Variants in TBRG1 observed in about 807,000 individuals in gnomAD.
The protein encoded by TBRG1 is transforming growth factor beta regulator 1, also known as nuclear interactor of ARF and MDM2.
Under a neutral mutation model 44.0 loss-of-function variants are expected in TBRG1, and 31 were observed. The ratio of observed to expected loss-of-function variants is 0.70; its 90% CI spans 0.53 to 0.95. The LOEUF (loss-of-function observed/expected upper bound fraction) is 0.95. Among genes scored for constraint, TBRG1 ranks in the 40% least tolerant of loss-of-function variants. The pLI, the probability that TBRG1 is intolerant of heterozygous loss-of-function variation, is 0.00. For missense variants in TBRG1, 487 were observed against 496.1 expected, an observed-to-expected ratio of 0.98 and a Z score of 0.18; for synonymous variants, 171 against 188.1, an observed-to-expected ratio of 0.91 and a Z score of 0.74.
chr11:124,625,066 G>C (rs1344184244), intron 2 of TBRG1, 65 bp downstream of exon 2: 1 of 1,152,628 alleles, frequency 8.7e-7, no homozygotes, highest in Admixed American at 2.2e-5. Context: ...ATTGATAATG[G>C]TGTTACTGCT....
rs931984548 is a variant in TBRG1, at chr11:124,622,917, C to G, written c.-167C>G. On this transcript the variant is annotated 5_prime_UTR_variant, in exon 1 of 9. Transcript: ENST00000441174. The stretch of plus-strand genomic sequence containing the variant: ...GAGGCGCCGGGAGCCCGTTCGGTTG[C>G]GGGTGTCTCTGGCCCTGCGGTCAGC... 2.9e-6 allele frequency: 2 copies of G among 694,426 alleles called. No homozygotes were observed. Among genetic ancestry groups the G allele is most frequent in the African/African-American group, 3.7e-5 (2 of 54,790 alleles). The allele number at this position is 694,426 out of a possible 1,614,324, so 43.0% of individuals were successfully genotyped here.
rs1174336520 is a variant in TBRG1, at chr11:124,634,815, A to T, written c.*2577A>T. The T allele has an allele frequency of 6.6e-6, 1 of 152,212 alleles. No individual in the cohort carries two copies. The highest frequency in any genetic ancestry group is 2.4e-5 in the African/African-American group (1 of 41,456). 9.4% of individuals were successfully genotyped at this position (152,212 alleles called of 1,614,324 possible). A position where few individuals can be genotyped will look rare whatever the true frequency, so the allele number is the denominator to read the frequency against. ...AAAATAATATGTACTGTATAAAATT[A>T]TATAACTCAAGTCAAGTGAATGGTT... is the stretch of plus-strand genomic sequence containing the variant. On this transcript the variant is annotated 3_prime_UTR_variant, in exon 9 of 9. Coordinates refer to ENST00000441174, the MANE Select transcript of TBRG1 (RefSeq NM_032811.3).
At position 124,625,887 on chromosome 11, in the gene TBRG1, G is replaced by A; in HGVS notation, c.438G>A (p.Glu146=). 6.3e-7 allele frequency: 1 copy of A among 1,577,844 alleles called. No individual in the cohort carries two copies. Among genetic ancestry groups the A allele is most frequent in the Non-Finnish European group, 8.6e-7 (1 of 1,164,746 alleles). Residue 146 remains glutamate (E), a synonymous_variant, in exon 3 of 9, where the codon GAG becomes GAA. Coordinates refer to ENST00000441174, the MANE Select transcript of TBRG1 (RefSeq NM_032811.3). ...TKKEKKEKGK[E]NNKLEVLKKT... is the part of the protein sequence containing the mutation. Reference sequence around the variant, plus strand: ...AGGAGAAAAAAGAAAAAGGCAAAGAGAACAACAAACTGGAAGGTACTTTGG... The same window carrying A: ...AGGAGAAAAAAGAAAAAGGCAAAGAAAACAACAAACTGGAAGGTACTTTGG...
chr11:124,635,872 C>CCAT lies in TBRG1; in HGVS notation c.*3637_*3639dup, dbSNP rs1942723383. 6.6e-6 allele frequency: 1 copy of CCAT among 152,174 alleles called. No individual in the cohort carries two copies. The highest frequency in any genetic ancestry group is 2.1e-4 in the South Asian group (1 of 4,826). The allele number at this position is 152,174 out of a possible 1,614,324, so 9.4% of individuals were successfully genotyped here. On this transcript the variant is annotated 3_prime_UTR_variant, in exon 9 of 9. Transcript: ENST00000441174. Reference sequence around the variant, plus strand: ...TCAGACAATGTTAGCTGTTTTTAATCCATCAGTAAACTGCATTAAGATTCT... The same window carrying CCAT: ...TCAGACAATGTTAGCTGTTTTTAATCCATCATCAGTAAACTGCATTAAGATTCT...
At chr11:124,624,346 G>A (rs1164806849) in intron 1 of TBRG1, among the ~76,000 whole-genome samples, 73 of 114,480 alleles carry the variant, frequency 6.4e-4, no homozygotes, top group African/African-American at 2.3e-3. Context: ...TTGGGAGATA[G>A]ATTGAGTCAT....
intron 3 of TBRG1, 135 bp downstream of exon 3, chr11:124,626,038 C>T (rs2134326134): frequency 7.7e-7 from 1 of 1,291,154 alleles, no homozygotes; most frequent in East Asian, 2.6e-5. Flanking sequence ...GCCCTAGGAG[C>T]CCTTGAGAAA....
In TBRG1 at chr11:124,627,787, A is replaced by G. The variant is rs962386168; in HGVS notation, c.738+737A>G. Among the ~76,000 whole-genome samples the G allele has an allele frequency of 7.2e-5, 11 of 152,192 alleles. No individual in the cohort carries two copies. The East Asian group carries it at 1.9e-3, about 27-fold the overall frequency. On this transcript the variant is annotated intron_variant, in intron 5 of 8. Coordinates refer to ENST00000441174, the MANE Select transcript of TBRG1 (RefSeq NM_032811.3). ...GAGCTTACGTGACCTCAATTATGCAATAGTTTCTTTAGAAAGACTCATTAT... is the reference window on the plus strand; with the variant it reads ...GAGCTTACGTGACCTCAATTATGCAGTAGTTTCTTTAGAAAGACTCATTAT...
chr11:124,625,095 A>G, intron 2 of TBRG1, 94 bp downstream of exon 2: 1 of 880,476 alleles, frequency 1.1e-6, no homozygotes, highest in Non-Finnish European at 1.8e-6. Flanking sequence ...TTTTTTTCCC[A>G]GTGGGATTGA....
chr11:124,629,795 A>G (rs1318212925), intron 5 of TBRG1: 1 of 152,862 alleles, frequency 6.5e-6, no homozygotes, highest in African/African-American at 2.4e-5. Flanking sequence ...TGTTACAGAA[A>G]TATTTTCCTG....
At chr11:124,631,832 ATATAGGGAAAACTCTGGG>A (rs1388454951) in intron 8 of TBRG1, 1 of 457,552 alleles carries the variant, frequency 2.2e-6, no homozygotes, top group African/African-American at 2.0e-5. Context: ...CTTTGGGGTC[ATATAGGGAAAACTCTGGG>A]TTAAAAAATG....
chr11:124,624,584 A>G (rs945534052), intron 1 of TBRG1, among the ~76,000 whole-genome samples: 2 of 152,198 alleles, frequency 1.3e-5, no homozygotes, highest in Non-Finnish European at 2.9e-5. Context: ...TTTAAGCAGT[A>G]TGCCTTTTTC....
rs775165238 is a variant in TBRG1, at chr11:124,632,462, C to T, written c.*224C>T. The T allele has an allele frequency of 3.0e-5, 12 of 403,328 alleles. No homozygotes were observed. Among genetic ancestry groups the T allele is most frequent in the Non-Finnish European group, 4.9e-5 (11 of 223,522 alleles). 25.0% of individuals were successfully genotyped at this position (403,328 alleles called of 1,614,324 possible). A position where few individuals can be genotyped will look rare whatever the true frequency, so the allele number is the denominator to read the frequency against. ...ATTCTGTTTACTTTCATCTTGTAATCGGGATGTAATCTTTTTTGCTTAGCT... is the reference window on the plus strand; with the variant it reads ...ATTCTGTTTACTTTCATCTTGTAATTGGGATGTAATCTTTTTTGCTTAGCT... On this transcript the variant is annotated 3_prime_UTR_variant, in exon 9 of 9. Transcript: ENST00000441174.
In TBRG1 at chr11:124,626,826, C is replaced by G. The variant is rs1462361648; in HGVS notation, c.592-78C>G. 3 of 1,555,576 alleles carry G rather than the reference C, an allele frequency of 1.9e-6. No individual in the cohort carries two copies. The African/African-American group carries it at 4.1e-5, about 21-fold the overall frequency. ...CACTCTTTGCAGCCCCAAAGTGGTT[C>G]TAAAGGCTACCACAGGAAACTGGAC... On this transcript the variant is annotated intron_variant, in intron 4 of 8. Coordinates refer to ENST00000441174, the MANE Select transcript of TBRG1 (RefSeq NM_032811.3).
At chr11:124,629,464 G>A (rs978442409) in intron 5 of TBRG1, among the ~76,000 whole-genome samples, 1 of 152,102 alleles carries the variant, frequency 6.6e-6, no homozygotes, top group Non-Finnish European at 1.5e-5. Context: ...GTTGAAATAA[G>A]AAAACCACCA....
chr11:124,628,065 TTATATATATATATATATATA>T (rs71042445), intron 5 of TBRG1, among the ~76,000 whole-genome samples: 1,710 of 69,772 alleles, frequency 0.025, 61 homozygotes, highest in African/African-American at 0.045. Context: ...AGTAGCTGTT[TTATATATATATATATATATA>T]TATATATATA....
intron 1 of TBRG1, 115 bp from the exon 2 acceptor site, chr11:124,624,816 T>A: frequency 2.8e-6 from 2 of 707,802 alleles, no homozygotes; most frequent in Non-Finnish European, 4.9e-6. Flanking sequence ...GTCGAATAGC[T>A]CCTTCTTCTC....
At position 124,630,746 on chromosome 11, in the gene TBRG1, G is replaced by T; in HGVS notation, c.838G>T (p.Gly280Trp). The change falls in exon 7 of 9, where the codon GGG (glycine) becomes TGG (tryptophan). Residue 280 changes from glycine (G) to tryptophan (W), a missense_variant and splice_region_variant. Physicochemically the swap from Gly to Trp is radical, Grantham distance 184 (BLOSUM62 -2). Transcript: ENST00000441174. ...TAAAATTATCCCTCTCCTGTTTAGG[G>T]GGAAACTAATGCCTAACCTGCTTCC... ...ELLRTISTTMGKLMPNLLPAG... is the reference protein window; with the variant it reads ...ELLRTISTTMWKLMPNLLPAG... The T allele has an allele frequency of 6.2e-7, 1 of 1,600,872 alleles. No homozygotes were observed. The highest frequency in any genetic ancestry group is 2.2e-5 in the East Asian group (1 of 44,580).
Position 124,623,013 on chromosome 11 carries a change from G to C in TBRG1, c.-71G>C. ...CTAGCCCGGAACAGACAAAGCCAGC[G>C]CTCCCGCCCGCTCCCCGACTTAGGA... On this transcript the variant is annotated 5_prime_UTR_variant, in exon 1 of 9. Coordinates refer to ENST00000441174, the MANE Select transcript of TBRG1 (RefSeq NM_032811.3). 6.9e-7 allele frequency: 1 copy of C among 1,441,472 alleles called. No homozygotes were observed. Among genetic ancestry groups the C allele is most frequent in the Non-Finnish European group, 9.2e-7 (1 of 1,091,296 alleles). The allele number at this position is 1,441,472 out of a possible 1,614,324, so 89.3% of individuals were successfully genotyped here.
chr11:124,624,523 T>TG (rs987916681), intron 1 of TBRG1, among the ~76,000 whole-genome samples: 1 of 152,188 alleles, frequency 6.6e-6, no homozygotes, highest in African/African-American at 2.4e-5. Flanking sequence ...TTGAGGCACT[T>TG]GGGAATAGAC....
Sources: gnomAD v4.1 joint callset for allele counts (sites outside exome capture counted in the v4.1 genomes callset) on GRCh38, gnomAD v4.1.1 for gene constraint, MANE v1.5 for transcripts, NCBI Gene and HGNC (gene_info 2026-07-23, HGNC 2026-07-21) for gene names.